KIAA1958: variants seen among roughly 807,000 people sequenced by gnomAD.
KIAA1958 encodes the protein uncharacterized protein KIAA1958.
KIAA1958 carries 14 observed loss-of-function variants against 47.2 expected under a neutral mutation model. The observed-to-expected ratio is 0.30, with a 90% CI of 0.20 to 0.46. KIAA1958 has a LOEUF of 0.46. Among genes scored for constraint, KIAA1958 ranks in the 20% least tolerant of loss-of-function variants. The pLI, the probability that KIAA1958 is intolerant of heterozygous loss-of-function variation, is 1.00. For missense variants in KIAA1958, 803 were observed against 909.2 expected (o/e 0.88, Z 1.50); for synonymous variants, 354 against 353.3 (o/e 1.00, Z -0.02).
At chr9:112,657,011 C>G (rs1160257540) in intron 3 of KIAA1958, among the ~76,000 whole-genome samples, 1 of 152,114 alleles carries the variant, frequency 6.6e-6, no homozygotes, top group Non-Finnish European at 1.5e-5. Flanking sequence ...AGTTTGTCAA[C>G]TTTATAGGTC....
At chr9:112,527,079 G>C (rs1409840311) in intron 1 of KIAA1958, among the ~76,000 whole-genome samples, 1 of 152,154 alleles carries the variant, frequency 6.6e-6, no homozygotes, top group Non-Finnish European at 1.5e-5. Flanking sequence ...TATACTGACT[G>C]TTCTCTTTGC....
At chr9:112,560,447 C>A (rs1439219566) in intron 1 of KIAA1958, among the ~76,000 whole-genome samples, 1 of 152,052 alleles carries the variant, frequency 6.6e-6, no homozygotes, top group African/African-American at 2.4e-5. Flanking sequence ...GCATTGGCCT[C>A]CCAAAGTGCT....
At chr9:112,583,255 G>C (rs145301209) in intron 2 of KIAA1958, among the ~76,000 whole-genome samples, 1 of 152,100 alleles carries the variant, frequency 6.6e-6, no homozygotes, top group African/African-American at 2.4e-5. Flanking sequence ...CATCAGACTG[G>C]GGGAGCACAG....
intron 1 of KIAA1958, among the ~76,000 whole-genome samples, chr9:112,564,655 T>C (rs1835397259): frequency 6.6e-6 from 1 of 152,230 alleles, no homozygotes; most frequent in African/African-American, 2.4e-5. Context: ...GTTTTTATTA[T>C]AATGCTACTT....
intron 1 of KIAA1958, among the ~76,000 whole-genome samples, chr9:112,511,937 A>AT (rs1564154126): frequency 6.6e-6 from 1 of 152,200 alleles, no homozygotes; most frequent in Admixed American, 6.5e-5. Flanking sequence ...AAATGGATAA[A>AT]TTTAATGAAC....
At position 112,609,968 on chromosome 9, in the gene KIAA1958, C is replaced by T. The variant is rs144520636; in HGVS notation, c.1171+34717C>T. Among the ~76,000 whole-genome samples the T allele has an allele frequency of 2.2e-3, 336 of 152,238 alleles. 5 individuals carry two copies. Among genetic ancestry groups the T allele is most frequent in the African/African-American group, 7.9e-3 (328 of 41,546 alleles). On this transcript the variant is annotated intron_variant, in intron 2 of 3. Coordinates refer to ENST00000337530, the MANE Select transcript of KIAA1958 (RefSeq NM_133465.4). Reference sequence around the variant, plus strand: ...TGCATTACCTTCTGCTGTGTTGGAACACTGGTGAAAAATCTCAGTAAAATG... The same window carrying T: ...TGCATTACCTTCTGCTGTGTTGGAATACTGGTGAAAAATCTCAGTAAAATG...
chr9:112,561,625 C>T (rs574878803), intron 1 of KIAA1958, among the ~76,000 whole-genome samples: 6 of 152,158 alleles, frequency 3.9e-5, no homozygotes, highest in African/African-American at 7.2e-5. Flanking sequence ...GAGGCTGAGG[C>T]GGGCATATCA....
intron 1 of KIAA1958, among the ~76,000 whole-genome samples, chr9:112,509,790 T>A (rs1294259946): frequency 6.6e-6 from 1 of 152,086 alleles, no homozygotes; most frequent in Non-Finnish European, 1.5e-5. Context: ...GGCTTTTTGC[T>A]GAAAGTGGAG....
chr9:112,604,762 A>G (rs1220136397), intron 2 of KIAA1958, among the ~76,000 whole-genome samples: 1 of 152,002 alleles, frequency 6.6e-6, no homozygotes, highest in Non-Finnish European at 1.5e-5. Flanking sequence ...AAAGCTTGGG[A>G]TGTTCATCCT....
intron 1 of KIAA1958, among the ~76,000 whole-genome samples, chr9:112,502,731 T>C (rs893419193): frequency 6.6e-6 from 1 of 152,266 alleles, no homozygotes. Flanking sequence ...GTTGCTTTTG[T>C]GCTGCATTGG....
At chr9:112,633,553 C>T (rs998145414) in intron 2 of KIAA1958, among the ~76,000 whole-genome samples, 17 of 151,934 alleles carry the variant, frequency 1.1e-4, no homozygotes, top group African/African-American at 3.6e-4. Context: ...ATTTTTATGA[C>T]GCTAATATAT....
intron 1 of KIAA1958, among the ~76,000 whole-genome samples, chr9:112,536,538 G>A (rs1834858198): frequency 6.6e-6 from 1 of 152,074 alleles, no homozygotes; most frequent in Non-Finnish European, 1.5e-5. Context: ...TAGACCAATA[G>A]TACAGAAAGT....
At position 112,629,460 on chromosome 9, in the gene KIAA1958, G is replaced by A. The variant is rs371961639; in HGVS notation, c.1172-16190G>A. Among the ~76,000 whole-genome samples, 192 of 152,274 alleles carry A rather than the reference G, an allele frequency of 1.3e-3. 1 individual carries two copies. Among genetic ancestry groups the A allele is most frequent in the African/African-American group, 4.3e-3 (179 of 41,554 alleles). On this transcript the variant is annotated intron_variant, in intron 2 of 3. Transcript: ENST00000337530. Reference sequence around the variant, plus strand: ...TTATAGTTTGTGAAAGAGGAGAAAGGTGAATTGCAACAGAGGGAAATTACT... The same window carrying A: ...TTATAGTTTGTGAAAGAGGAGAAAGATGAATTGCAACAGAGGGAAATTACT...
At chr9:112,578,547 A>G (rs1348375855) in intron 2 of KIAA1958, among the ~76,000 whole-genome samples, 1 of 152,190 alleles carries the variant, frequency 6.6e-6, no homozygotes, top group Non-Finnish European at 1.5e-5. Context: ...ACAAAGAGAA[A>G]TTGTTCCATT....
At chr9:112,526,775 T>G (rs1834665088) in intron 1 of KIAA1958, among the ~76,000 whole-genome samples, 1 of 152,166 alleles carries the variant, frequency 6.6e-6, no homozygotes, top group African/African-American at 2.4e-5. Flanking sequence ...CTCTTAAAGG[T>G]CCCAGCTGTT....
intron 1 of KIAA1958, among the ~76,000 whole-genome samples, chr9:112,526,428 AT>A (rs745474027): frequency 6.6e-6 from 1 of 151,396 alleles, no homozygotes; most frequent in Non-Finnish European, 1.5e-5. Context: ...TAATTTTTGT[AT>A]TTTTAGTGGA....
intron 2 of KIAA1958, among the ~76,000 whole-genome samples, chr9:112,622,002 A>G (rs1238773386): frequency 6.6e-6 from 1 of 152,182 alleles, no homozygotes; most frequent in Non-Finnish European, 1.5e-5. Flanking sequence ...TTGGCCTCCC[A>G]AAGTGCTGGC....
At chr9:112,493,878 A>G (rs900338313) in intron 1 of KIAA1958, among the ~76,000 whole-genome samples, 1 of 152,254 alleles carries the variant, frequency 6.6e-6, no homozygotes, top group Admixed American at 6.5e-5. Context: ...CTTTTTCTGT[A>G]AAAGACTGAA....
intron 2 of KIAA1958, among the ~76,000 whole-genome samples, chr9:112,605,187 T>C (rs1436632687): frequency 1.3e-5 from 2 of 152,030 alleles, no homozygotes; most frequent in African/African-American, 2.4e-5. Context: ...AGGTTTGAAA[T>C]GGACACAGGT....
Sources: allele counts gnomAD v4.1 joint callset (sites outside exome capture counted in the v4.1 genomes callset), GRCh38; gene constraint gnomAD v4.1.1; transcripts MANE v1.5; gene names NCBI Gene and HGNC (gene_info 2026-07-23, HGNC 2026-07-21).